PTPRS: variants seen among roughly 807,000 people sequenced by gnomAD.
The protein encoded by PTPRS is receptor-type tyrosine-protein phosphatase S.
In PTPRS, 63 loss-of-function variants were observed where a neutral mutation model predicts 215.3. The observed-to-expected ratio is 0.29, with a 90% CI of 0.24 to 0.36. The LOEUF is 0.36. Among genes scored for constraint, PTPRS ranks in the 10% least tolerant of loss-of-function variants. The pLI is 1.00. For missense variants in PTPRS, 2,258 were observed against 2,825.8 expected, an observed-to-expected ratio of 0.80 and a Z score of 4.56; for synonymous variants, 1,404 against 1,191.4, an observed-to-expected ratio of 1.18 and a Z score of -3.68.
chr19:5,264,289 T>G (rs1158766478), intron 5 of PTPRS, among the ~76,000 whole-genome samples: 2 of 152,186 alleles, frequency 1.3e-5, no homozygotes, highest in African/African-American at 2.4e-5. Flanking sequence ...CCTGCCTGTC[T>G]GGGCCCCACT....
At chr19:5,263,532 G>A (rs917616662) in intron 5 of PTPRS, among the ~76,000 whole-genome samples, 9 of 152,124 alleles carry the variant, frequency 5.9e-5, no homozygotes, top group African/African-American at 1.7e-4. Flanking sequence ...GAAGGGGAGA[G>A]AGAAAGCAAA....
chr19:5,285,846 A>AG (rs1555799177), intron 2 of PTPRS, among the ~76,000 whole-genome samples: 2 of 152,214 alleles, frequency 1.3e-5, no homozygotes, highest in Non-Finnish European at 2.9e-5. Context: ...TATGAATACC[A>AG]GCATTATTAT....
At chr19:5,322,723 T>G (rs1312524467) in intron 1 of PTPRS, among the ~76,000 whole-genome samples, 1 of 151,252 alleles carries the variant, frequency 6.6e-6, no homozygotes. Flanking sequence ...CTACTAAAAA[T>G]ACAAAATTAG....
chr19:5,282,192 G>T (rs1176638978), intron 2 of PTPRS, among the ~76,000 whole-genome samples: 4 of 152,056 alleles, frequency 2.6e-5, no homozygotes, highest in African/African-American at 9.7e-5. Context: ...CTCGGATTTG[G>T]AGGGGTTCTA....
intron 4 of PTPRS, 158 bp downstream of exon 4, chr19:5,273,284 G>A (rs1281071199): frequency 2.1e-6 from 2 of 944,372 alleles, no homozygotes; most frequent in African/African-American, 1.6e-5. Context: ...AGTAGGCGCT[G>A]GGCCCTGAGA....
In PTPRS at chr19:5,328,133, T is replaced by G. The variant is rs141668934; in HGVS notation, c.-95+12531A>C. On this transcript the variant is annotated intron_variant, in intron 1 of 37. Transcript: ENST00000262963. ...TCTTTTGTTTTTTTTTGTTTTTGTT[T>G]TGAGACAGAGTCTCACTCTATTGCC... Among the ~76,000 whole-genome samples the G allele has an allele frequency of 3.4e-3, 511 of 152,288 alleles. 5 individuals are homozygous for G. The highest frequency in any genetic ancestry group is 0.012 in the African/African-American group (491 of 41,566).
At position 5,244,474 on chromosome 19, in the gene PTPRS, T is replaced by C; in HGVS notation, c.997A>G (p.Lys333Glu). The change falls in exon 11 of 38, where the codon AAA becomes GAA. Residue 333 changes from lysine to glutamate, a missense_variant. Physicochemically the swap from Lys to Glu is moderately conservative, Grantham distance 56. Transcript: ENST00000262963. The surrounding 1 kb of genome is among the most constrained non-coding windows in gnomAD (Gnocchi z 7.2). ...GTCACCATGGGAGTCCCGGGAGCTT[T>C]GGGGAGAGCTGTGGGCAGGAGGCAG... ...VAQITVKSLP[K>E]APGTPMVTEN... is the part of the protein sequence containing the mutation. 1.2e-6 allele frequency: 2 copies of C among 1,613,182 alleles called. No individual in the cohort carries two copies. Among genetic ancestry groups the C allele is most frequent in the Non-Finnish European group, 1.7e-6 (2 of 1,179,452 alleles).
intron 30 of PTPRS, among the ~76,000 whole-genome samples, 162 bp from the exon 31 acceptor site, chr19:5,212,653 G>A (rs1428990272): frequency 6.6e-6 from 1 of 152,192 alleles, no homozygotes; most frequent in Admixed American, 6.5e-5. Context: ...AGACCAGCCT[G>A]ACCAACATGG....
intron 20 of PTPRS, 50 bp from the exon 21 acceptor site, chr19:5,220,403 A>C (rs2041875969): frequency 5.4e-6 from 8 of 1,494,230 alleles, no homozygotes; most frequent in Non-Finnish European, 7.4e-6. Context: ...GGGATGACCA[A>C]GGGATGCTTC....
intron 8 of PTPRS, 141 bp from the exon 9 acceptor site, chr19:5,256,260 A>C (rs2045551856): frequency 5.5e-6 from 2 of 362,348 alleles, no homozygotes; most frequent in African/African-American, 2.2e-5. Context: ...TCTTTAAACC[A>C]AAAAAAAAAA....
At chr19:5,216,674 CG>C (rs1568383821) in intron 26 of PTPRS, 45 bp downstream of exon 26, 9 of 1,440,676 alleles carry the variant, frequency 6.2e-6, no homozygotes, top group Non-Finnish European at 8.6e-6. Flanking sequence ...AGGAAATGAA[CG>C]GGGGCGGGGG....
chr19:5,306,818 T>C (rs1404524484), intron 1 of PTPRS, among the ~76,000 whole-genome samples: 1 of 152,194 alleles, frequency 6.6e-6, no homozygotes, highest in Non-Finnish European at 1.5e-5. Flanking sequence ...TAGGTCCTAA[T>C]AGTCCCCGAG....
rs767937100 is a variant in PTPRS at position 5,237,598 on chromosome 19, G to C, written c.1849+1321C>G. ...GAGTTTCTGGGGCCGAATTCGGGCC[G>C]TGGACTGTCCGTTCAGCCCAGAGTG... On this transcript the variant is annotated intron_variant, in intron 13 of 37. Transcript: ENST00000262963. This position sits in a 1 kb window ranked among gnomAD's most constrained non-coding sequence, Gnocchi z 4.2. 3.3e-5 allele frequency among the ~76,000 whole-genome samples: 5 copies of C among 152,320 alleles called. No individual in the cohort carries two copies. Among genetic ancestry groups the C allele is most frequent in the Admixed American group, 1.3e-4 (2 of 15,306 alleles).
In PTPRS at chr19:5,220,373, A is replaced by G; in HGVS notation, c.3456-20T>C. On this transcript the variant is annotated intron_variant, in intron 20 of 37. Coordinates refer to ENST00000262963, the MANE Select transcript of PTPRS (RefSeq NM_002850.4). ...TAGCTCCTGTAGGGAGATGGGAAAG[A>G]GTCAGAGGGGCTGTCGATAGGGATG... 1.2e-6 allele frequency: 2 copies of G among 1,600,400 alleles called. No homozygotes were observed. Among genetic ancestry groups the G allele is most frequent in the Non-Finnish European group, 1.7e-6 (2 of 1,169,038 alleles).
chr19:5,314,592 G>A (rs1461342365), intron 1 of PTPRS, among the ~76,000 whole-genome samples: 2 of 150,544 alleles, frequency 1.3e-5, no homozygotes, highest in Non-Finnish European at 3.0e-5. Flanking sequence ...ATTTCACTAT[G>A]TTGCCCAGGC....
rs2146883887 is a variant in PTPRS, at chr19:5,286,197, C to G, written c.-57G>C. ...AGGGGGATGGCCCCCCGGTCCCTCACAGAGAGGCCTCGAGCCGAGCGTCAG... is the reference window on the plus strand; with the variant it reads ...AGGGGGATGGCCCCCCGGTCCCTCAGAGAGAGGCCTCGAGCCGAGCGTCAG... On this transcript the variant is annotated 5_prime_UTR_variant, in exon 2 of 38. Coordinates refer to ENST00000262963, the MANE Select transcript of PTPRS (RefSeq NM_002850.4). 1 of 1,590,716 alleles carries G rather than the reference C, an allele frequency of 6.3e-7. No individual in the cohort carries two copies. The highest frequency in any genetic ancestry group is 1.3e-5 in the African/African-American group (1 of 74,410).
At chr19:5,291,010 C>T (rs1241140553) in intron 1 of PTPRS, among the ~76,000 whole-genome samples, 1 of 152,086 alleles carries the variant, frequency 6.6e-6, no homozygotes, top group Admixed American at 6.5e-5. Context: ...ACTGTCCCTC[C>T]CAGGGCGCCA....
rs554955995 is a variant in PTPRS at position 5,280,795 on chromosome 19, T to G, written c.91+5255A>C. Among the ~76,000 whole-genome samples, 120 of 151,396 alleles carry G rather than the reference T, an allele frequency of 7.9e-4. 2 individuals carry two copies. The highest frequency in any genetic ancestry group is 2.3e-3 in the East Asian group (12 of 5,144). On this transcript the variant is annotated intron_variant, in intron 2 of 37. Transcript: ENST00000262963. The stretch of plus-strand genomic sequence containing the variant: ...TGCACAGCCTCCCTTAACTTTTTTT[T>G]TTTGTTTGTTTTTTGAGATGGAGTC...
intron 24 of PTPRS, 112 bp from the exon 25 acceptor site, chr19:5,218,644 C>T: frequency 1.3e-6 from 2 of 1,515,064 alleles, no homozygotes; most frequent in Admixed American, 3.3e-5. Flanking sequence ...ACCCGTATGA[C>T]TAGGGTTTCC....
Sources: gnomAD v4.1 joint callset for allele counts (sites outside exome capture counted in the v4.1 genomes callset) on GRCh38, gnomAD v4.1.1 for gene constraint, Gnocchi (gnomAD v3.1) non-coding constraint, MANE v1.5 for transcripts, NCBI Gene and HGNC (gene_info 2026-07-23, HGNC 2026-07-21) for gene names.